KCNG2: variants seen among roughly 807,000 people sequenced by gnomAD.
KCNG2 encodes the protein potassium voltage-gated channel modifier subfamily G member 2.
Under a neutral mutation model 12.3 loss-of-function variants are expected in KCNG2, and 7 were observed. The ratio of observed to expected loss-of-function variants is 0.57; its 90% CI spans 0.32 to 1.07. The LOEUF is 1.07. KCNG2 is among the 50% of genes least tolerant of loss of function. The pLI, the probability that KCNG2 is intolerant of heterozygous loss-of-function variation, is 0.04. For synonymous variants in KCNG2, 414 were observed against 351.4 expected, an observed-to-expected ratio of 1.18 and a Z score of -1.99; for missense variants, 703 against 726.0, an observed-to-expected ratio of 0.97 and a Z score of 0.36.
chr18:79,843,195 A>G (rs1404701199), intron 1 of KCNG2, among the ~76,000 whole-genome samples: 1 of 152,172 alleles, frequency 6.6e-6, no homozygotes, highest in Non-Finnish European at 1.5e-5. Context: ...AGAGAGTGGG[A>G]TGATATATTC....
intron 2 of KCNG2, among the ~76,000 whole-genome samples, chr18:79,857,753 TGATTTTTATAAATGGA>T (rs1223100007): frequency 1.3e-5 from 2 of 151,808 alleles, no homozygotes; most frequent in Non-Finnish European, 2.9e-5. Context: ...TCACTCAGAA[TGATTTTTATAAATGGA>T]GATAAAATTC....
intron 1 of KCNG2, among the ~76,000 whole-genome samples, chr18:79,827,724 G>C (rs896128135): frequency 1.3e-5 from 2 of 152,084 alleles, no homozygotes; most frequent in Admixed American, 6.5e-5. Context: ...ACCCAGTGCC[G>C]CAGCTCTGGA....
rs2087576799 is a variant in KCNG2 at position 79,822,306 on chromosome 18, A to G, written c.-115+24292A>G. Among the ~76,000 whole-genome samples, 1 of 151,912 alleles carries G rather than the reference A, an allele frequency of 6.6e-6. No individual in the cohort carries two copies. The highest frequency in any genetic ancestry group is 2.1e-4 in the South Asian group (1 of 4,814). Reference sequence around the variant, plus strand: ...GCCCTGGTCACTACTTTAAAACCCCACTCAGATGTCACCGCGTTCTTCATA... The same window carrying G: ...GCCCTGGTCACTACTTTAAAACCCCGCTCAGATGTCACCGCGTTCTTCATA... On this transcript the variant is annotated intron_variant, in intron 1 of 3. Coordinates refer to ENST00000316249, the MANE Select transcript of KCNG2 (RefSeq NM_012283.2). This position sits in a 1 kb window ranked among gnomAD's most constrained non-coding sequence, Gnocchi z 4.4.
At chr18:79,869,561 G>C (rs1407784788) in intron 3 of KCNG2, among the ~76,000 whole-genome samples, 1 of 152,150 alleles carries the variant, frequency 6.6e-6, no homozygotes, top group Non-Finnish European at 1.5e-5. Flanking sequence ...TGTCCAAGCA[G>C]GCTCTGTCCT....
At chr18:79,821,123 A>G (rs1187306808) in intron 1 of KCNG2, among the ~76,000 whole-genome samples, 1 of 152,140 alleles carries the variant, frequency 6.6e-6, no homozygotes, top group East Asian at 1.9e-4. Flanking sequence ...TTTTAATTTG[A>G]ATGAAGCTCA....
chr18:79,882,219 C>A (rs947277693), intron 3 of KCNG2, among the ~76,000 whole-genome samples: 37 of 152,212 alleles, frequency 2.4e-4, no homozygotes, highest in African/African-American at 8.4e-4. Flanking sequence ...TCATTAGAAT[C>A]TAAAACTCCT....
At chr18:79,806,238 T>C (rs778180631) in intron 1 of KCNG2, among the ~76,000 whole-genome samples, 5 of 151,922 alleles carry the variant, frequency 3.3e-5, no homozygotes, top group Non-Finnish European at 7.4e-5. Flanking sequence ...GTGCTGGGGG[T>C]TGGGGCGTGG....
chr18:79,859,102 G>C (rs557076945), intron 2 of KCNG2, among the ~76,000 whole-genome samples: 38 of 151,622 alleles, frequency 2.5e-4, no homozygotes, highest in African/African-American at 9.2e-4. Flanking sequence ...TTCTTTTGTT[G>C]CTTGTGCTTT....
chr18:79,848,162 C>T (rs892564419), intron 1 of KCNG2, among the ~76,000 whole-genome samples: 1 of 152,182 alleles, frequency 6.6e-6, no homozygotes, highest in East Asian at 1.9e-4. Flanking sequence ...CAGTGATGAA[C>T]GCCAACCTCA....
chr18:79,863,666 G>A lies in KCNG2; in HGVS notation c.-2G>A, dbSNP rs761645513. ...GCCCCTCGGTCCGGTCCGGCCCTGC[G>A]CATGGAGCCATGGCCCTGCTCCCCG... On this transcript the variant is annotated 5_prime_UTR_variant, in exon 3 of 4. Coordinates refer to ENST00000316249, the MANE Select transcript of KCNG2 (RefSeq NM_012283.2). 23 of 1,210,036 alleles carry A rather than the reference G, an allele frequency of 1.9e-5. No individual in the cohort carries two copies. The highest frequency in any genetic ancestry group is 2.3e-5 in the Non-Finnish European group (22 of 973,146). 75.0% of individuals were successfully genotyped at this position (1,210,036 alleles called of 1,614,324 possible).
Position 79,864,304 on chromosome 18 carries a change from G to T in KCNG2, c.624+13G>T. ...CGAGGAGGAGCGGGTGAGCGCGGCC[G>T]GGGGTGGCGGGGACCGGGCCGGAGC... On this transcript the variant is annotated intron_variant, in intron 3 of 3. Transcript: ENST00000316249. 6.6e-7 allele frequency: 1 copy of T among 1,511,498 alleles called. No homozygotes were observed. Among genetic ancestry groups the T allele is most frequent in the Non-Finnish European group, 8.8e-7 (1 of 1,135,414 alleles). The allele number at this position is 1,511,498 out of a possible 1,614,324, so 93.6% of individuals were successfully genotyped here.
chr18:79,860,508 A>G (rs1251154069), intron 2 of KCNG2, among the ~76,000 whole-genome samples: 2 of 152,164 alleles, frequency 1.3e-5, no homozygotes, highest in African/African-American at 4.8e-5. Context: ...CCTTGGTTAA[A>G]TTTATTTCTA....
chr18:79,823,696 C>T (rs1256339222), intron 1 of KCNG2, among the ~76,000 whole-genome samples: 1 of 151,994 alleles, frequency 6.6e-6, no homozygotes, highest in Non-Finnish European at 1.5e-5. Flanking sequence ...TGAGTTTTTC[C>T]CCTTGTTGTT....
In KCNG2 at chr18:79,840,308, A is replaced by G. The variant is rs374743500; in HGVS notation, c.-114-16071A>G. Among the ~76,000 whole-genome samples the G allele has an allele frequency of 6.6e-4, 100 of 152,318 alleles. 1 individual carries two copies. The highest frequency in any genetic ancestry group is 2.3e-3 in the African/African-American group (97 of 41,586). ...GACATAAGATAAACATACAAAATCA[A>G]TACACTAGCAAGACACATGGATATC... On this transcript the variant is annotated intron_variant, in intron 1 of 3. Transcript: ENST00000316249.
At chr18:79,895,691 T>C (rs1415252774) in intron 3 of KCNG2, among the ~76,000 whole-genome samples, 3 of 151,972 alleles carry the variant, frequency 2.0e-5, no homozygotes, top group African/African-American at 4.8e-5. Context: ...ATTGATATAG[T>C]TGAGTCTGTG....
chr18:79,832,087 G>A (rs543021436), intron 1 of KCNG2, among the ~76,000 whole-genome samples: 13 of 152,076 alleles, frequency 8.5e-5, no homozygotes, highest in African/African-American at 1.9e-4. Context: ...CTCACCCACC[G>A]CCCCCTGGTT....
chr18:79,798,126 G>T (rs1262946157), intron 1 of KCNG2, among the ~76,000 whole-genome samples, 112 bp downstream of exon 1: 25 of 151,156 alleles, frequency 1.7e-4, no homozygotes, highest in Admixed American at 1.6e-3. Flanking sequence ...GGTTCCGCGC[G>T]CAGCTTCTTC....
intron 1 of KCNG2, among the ~76,000 whole-genome samples, chr18:79,817,105 T>C (rs566712084): frequency 6.6e-6 from 1 of 151,878 alleles, no homozygotes; most frequent in Non-Finnish European, 1.5e-5. Flanking sequence ...GTCACGTTTG[T>C]CACACGGCTG....
chr18:79,875,366 A>G (rs1202718989), intron 3 of KCNG2, among the ~76,000 whole-genome samples: 1 of 152,030 alleles, frequency 6.6e-6, no homozygotes, highest in African/African-American at 2.4e-5. Context: ...CCCTTGGTCT[A>G]GCACCACCGA....
Sources: gnomAD v4.1 joint callset for allele counts (sites outside exome capture counted in the v4.1 genomes callset) on GRCh38, gnomAD v4.1.1 for gene constraint, Gnocchi (gnomAD v3.1) non-coding constraint, MANE v1.5 for transcripts, NCBI Gene and HGNC (gene_info 2026-07-23, HGNC 2026-07-21) for gene names.